ADGRD2: variants seen among roughly 807,000 people sequenced by gnomAD.
The protein encoded by ADGRD2 is G protein-coupled receptor PGR24.
ADGRD2 carries 71 observed loss-of-function variants against 44.4 expected under a neutral mutation model. That is an observed-to-expected ratio of 1.60 (90% CI 1.32 to 1.95). The LOEUF is 1.95. ADGRD2 is among the 30% of genes most tolerant of loss of function. The pLI is 0.00. For missense variants in ADGRD2, 1,039 were observed against 512.4 expected, an observed-to-expected ratio of 2.03 and a Z score of -9.92; for synonymous variants, 481 against 224.8, an observed-to-expected ratio of 2.14 and a Z score of -10.19.
In ADGRD2 at chr9:124,454,155, T is replaced by G; in HGVS notation, c.1022+58T>G. ...AAGGGAAAGCCGGTGTGGACCGGAG[T>G]AGACTGAGAGGGGGTGAGCTGCTGG... On this transcript the variant is annotated intron_variant, in intron 4 of 21. Coordinates refer to ENST00000334810, the Ensembl canonical transcript of ADGRD2. This position sits in a 1 kb window ranked among gnomAD's most constrained non-coding sequence, Gnocchi z 4.5. 1 of 621,292 alleles carries G rather than the reference T, an allele frequency of 1.6e-6. No homozygotes were observed. The highest frequency in any genetic ancestry group is 1.9e-5 in the South Asian group (1 of 52,760). 38.5% of individuals were successfully genotyped at this position (621,292 alleles called of 1,614,324 possible).
intron 11 of ADGRD2, 89 bp downstream of exon 14, chr9:124,466,502 T>C: frequency 1.7e-6 from 1 of 582,058 alleles, no homozygotes; most frequent in South Asian, 2.3e-5. Context: ...AAGAAGCATC[T>C]GAGGGATGCC....
At chr9:124,453,697 G>GCCCCCCCCCCCCTC in intron 3 of ADGRD2, 21 bp downstream of exon 6, 1 of 526,290 alleles carries the variant, frequency 1.9e-6, no homozygotes, top group Non-Finnish European at 3.5e-6. Flanking sequence ...CCCCGCCCCG[G>GCCCCCCCCCCCCTC]CCCCACCCCA....
At position 124,454,945 on chromosome 9, in the gene ADGRD2, C is replaced by A. The variant is rs1831586306; in HGVS notation, c.1213C>A (p.Pro405Thr). Reference sequence around the variant, plus strand: ...GCATGTCCTGGCGATGGAGATGGCTCCCCTGGGGCCGGCCGCACTGCTGGC... The same window carrying A: ...GCATGTCCTGGCGATGGAGATGGCTACCCTGGGGCCGGCCGCACTGCTGGC... The change falls in exon 6 of 22, where the codon CCC becomes ACC. Residue 405 changes from proline (P) to threonine (T), a missense_variant. Transcript: ENST00000334810. The surrounding 1 kb of genome is among the most constrained non-coding windows in gnomAD (Gnocchi z 4.5). The A allele has an allele frequency of 1.4e-6, 1 of 717,656 alleles. No individual in the cohort carries two copies. Among genetic ancestry groups the A allele is most frequent in the South Asian group, 1.5e-5 (1 of 67,600 alleles). 44.5% of individuals were successfully genotyped at this position (717,656 alleles called of 1,614,324 possible).
chr9:124,453,338 C>T, exon 3 of ADGRD2: 1 of 511,714 alleles, frequency 2.0e-6, no homozygotes, highest in Non-Finnish European at 3.4e-6. Context: ...GTGTGCGCCA[C>T]GTGGGAGCAG....
chr9:124,471,968 G>A (rs562258432), intron 17 of ADGRD2, among the ~76,000 whole-genome samples: 20 of 152,342 alleles, frequency 1.3e-4, no homozygotes, highest in Admixed American at 3.9e-4. Flanking sequence ...GGCCCCTGGC[G>A]AGGCTTCTCC....
intron 10 of ADGRD2, chr9:124,465,355 C>CTT (rs57080759): frequency 0.1 from 14,945 of 142,738 alleles, 980 homozygotes; most frequent in East Asian, 0.18. Flanking sequence ...TTTCCAGGTT[C>CTT]TTTTTTTTTT....
chr9:124,452,532 G>C (rs753013313), exon 2 of ADGRD2: 19 of 718,462 alleles, frequency 2.6e-5, no homozygotes, highest in Non-Finnish European at 2.6e-5. Flanking sequence ...CCGGCGAGGT[G>C]GTGAAGACTG....
At chr9:124,450,492 G>T (rs1280261542), upstream of ADGRD2, among the ~76,000 whole-genome samples, 2 of 152,244 alleles carry the variant, frequency 1.3e-5, no homozygotes, top group African/African-American at 4.8e-5. Flanking sequence ...GGCCACAGGC[G>T]CCAGGCCAGC....
intron 17 of ADGRD2, among the ~76,000 whole-genome samples, chr9:124,475,221 T>C (rs1832021662): frequency 6.6e-6 from 1 of 152,244 alleles, no homozygotes; most frequent in African/African-American, 2.4e-5. Context: ...AGGCTGGGGT[T>C]GCACTGGGCA....
upstream of ADGRD2, among the ~76,000 whole-genome samples, chr9:124,450,555 G>C (rs542774912): frequency 1.7e-4 from 26 of 152,378 alleles, no homozygotes; most frequent in African/African-American, 6.3e-4. Context: ...AGCGGATGAA[G>C]GGGAGGCCCC....
At chr9:124,478,096 C>T (rs1378752097) in intron 21 of ADGRD2, among the ~76,000 whole-genome samples, 185 bp from the exon 25 acceptor site, 1 of 152,138 alleles carries the variant, frequency 6.6e-6, no homozygotes. Flanking sequence ...GGGGCCGCCA[C>T]CGCCCCTCCT....
intron 21 of ADGRD2, chr9:124,476,969 C>A (rs1328928336): frequency 1.2e-5 from 8 of 688,066 alleles, no homozygotes; most frequent in Non-Finnish European, 1.9e-5. Context: ...CACAACCTGC[C>A]TCCCTCTGTC....
intron 17 of ADGRD2, among the ~76,000 whole-genome samples, chr9:124,474,083 C>A (rs182245545): frequency 2.0e-5 from 3 of 152,058 alleles, no homozygotes; most frequent in Admixed American, 1.3e-4. Context: ...CGAGACCAGC[C>A]TGACCAATAT....
chr9:124,468,017 A>G lies in ADGRD2; in HGVS notation c.2131-71A>G, dbSNP rs1588606802. The G allele has an allele frequency of 5.6e-6, 4 of 717,112 alleles. No homozygotes were observed. In the East Asian group the frequency reaches 1.1e-4, roughly 19 times the overall value. The allele number at this position is 717,112 out of a possible 1,614,324, so 44.4% of individuals were successfully genotyped here. A position where few individuals can be genotyped will look rare whatever the true frequency, so the allele number is the denominator to read the frequency against. On this transcript the variant is annotated intron_variant, in intron 12 of 21. Transcript: ENST00000334810. ...TCTGCCCAGGCACAGGGGATCGGGC[A>G]GGACAGGGCCCTACGGGGTGTGGGG...
chr9:124,458,269 C>A, intron 9 of ADGRD2, 33 bp downstream of exon 12: 1 of 716,668 alleles, frequency 1.4e-6, no homozygotes, highest in South Asian at 1.5e-5. Flanking sequence ...GCTGTGAGGG[C>A]CTGTGTCCCC....
exon 8 of ADGRD2, chr9:124,457,503 G>A: frequency 3.0e-6 from 2 of 674,618 alleles, no homozygotes; most frequent in Non-Finnish European, 5.4e-6. Context: ...GCTTGAGGGA[G>A]GCCAGCACGA....
chr9:124,476,944 G>C (rs780415908), intron 21 of ADGRD2: 12 of 701,238 alleles, frequency 1.7e-5, no homozygotes, highest in Non-Finnish European at 2.9e-5. Flanking sequence ...TATTCTGAGC[G>C]GGCGCTGCCA....
intron 10 of ADGRD2, among the ~76,000 whole-genome samples, chr9:124,463,708 T>A (rs138398580): frequency 6.6e-6 from 1 of 152,378 alleles, no homozygotes; most frequent in East Asian, 1.9e-4. Flanking sequence ...TCATCCAGGT[T>A]GTCAAATTTC....
chr9:124,476,156 T>C (rs1446303209), intron 19 of ADGRD2, among the ~76,000 whole-genome samples: 1 of 151,944 alleles, frequency 6.6e-6, no homozygotes, highest in Non-Finnish European at 1.5e-5. Flanking sequence ...AGGCCAGGGG[T>C]TCCAATCCTA....
Sources: gnomAD v4.1 joint callset for allele counts (sites outside exome capture counted in the v4.1 genomes callset) on GRCh38, gnomAD v4.1.1 for gene constraint, Gnocchi (gnomAD v3.1) non-coding constraint, MANE v1.5 for transcripts, NCBI Gene and HGNC (gene_info 2026-07-23, HGNC 2026-07-21) for gene names.